The following SDCCAG8 variants were observed in gnomAD, a reference collection of about 807,000 sequenced individuals.
The protein encoded by SDCCAG8 is serologically defined colon cancer antigen 8.
A neutral mutation model predicts 101.8 loss-of-function variants in SDCCAG8; 74 were observed. That is an observed-to-expected ratio of 0.73 (90% CI 0.60 to 0.88). The LOEUF is 0.88. Among genes scored for constraint, SDCCAG8 ranks in the 40% least tolerant of loss-of-function variants. The pLI, the probability that SDCCAG8 is intolerant of heterozygous loss-of-function variation, is 0.00. For synonymous variants in SDCCAG8, 281 were observed against 292.9 expected (o/e 0.96, Z 0.41); for missense variants, 787 against 822.6 (o/e 0.96, Z 0.53).
intron 8 of SDCCAG8, among the ~76,000 whole-genome samples, chr1:243,312,251 A>G (rs1337475311): frequency 6.6e-6 from 1 of 152,260 alleles, no homozygotes; most frequent in Non-Finnish European, 1.5e-5. Context: ...ATAAGCTGTT[A>G]TCATATTACC....
rs193291617 is a variant in SDCCAG8, at chr1:243,271,054, G to A, written c.297G>A (p.Met99Ile). Reference sequence around the variant, plus strand: ...TATCTCCGTCAAGAAGAAGAAAAATGTCCCCCTTGGTAAGTATCAACTTTT... The same window carrying A: ...TATCTCCGTCAAGAAGAAGAAAAATATCCCCCTTGGTAAGTATCAACTTTT... ...SEVSPSRRRK[M>I]SPLRSLEHEE... The change falls in exon 3 of 18, where the codon ATG (methionine) becomes ATA (isoleucine). Residue 99 changes from methionine (M) to isoleucine (I), a missense_variant. Transcript: ENST00000366541. The A allele has an allele frequency of 6.2e-7, 1 of 1,607,578 alleles. No individual in the cohort carries two copies. Among genetic ancestry groups the A allele is most frequent in the African/African-American group, 1.3e-5 (1 of 74,898 alleles).
chr1:243,486,935 CT>C (rs1158087631), intron 16 of SDCCAG8, among the ~76,000 whole-genome samples: 1 of 147,786 alleles, frequency 6.8e-6, no homozygotes, highest in Non-Finnish European at 1.5e-5. Context: ...ACGGGGCTAC[CT>C]CAGTTGCTCT....
At chr1:243,374,512 AC>A (rs988431368) in intron 12 of SDCCAG8, among the ~76,000 whole-genome samples, 1 of 152,132 alleles carries the variant, frequency 6.6e-6, no homozygotes, top group African/African-American at 2.4e-5. Flanking sequence ...TTTCAGTTGT[AC>A]TATTAGGATC....
chr1:243,468,362 C>T (rs6666353), intron 16 of SDCCAG8, among the ~76,000 whole-genome samples: 5,126 of 152,104 alleles, frequency 0.034, 273 homozygotes, highest in African/African-American at 0.12. Flanking sequence ...GGACTACAGA[C>T]GTCCACCATC....
intron 16 of SDCCAG8, chr1:243,475,908 C>G (rs1259633329): frequency 4.1e-6 from 4 of 983,314 alleles, no homozygotes; most frequent in Admixed American, 6.2e-5. Context: ...AAATTGACTC[C>G]GCGTATTCCT....
At chr1:243,316,644 G>A in intron 8 of SDCCAG8, 111 bp from the exon 9 acceptor site, 1 of 1,321,530 alleles carries the variant, frequency 7.6e-7, no homozygotes, top group South Asian at 1.2e-5. Flanking sequence ...TATGTGCTCA[G>A]CCGGCCTACC....
At chr1:243,267,003 G>C (rs913851534) in intron 1 of SDCCAG8, among the ~76,000 whole-genome samples, 2 of 150,670 alleles carry the variant, frequency 1.3e-5, no homozygotes, top group African/African-American at 4.9e-5. Flanking sequence ...CCAGCACTTT[G>C]GGAGGCCGAG....
chr1:243,419,984 T>C (rs1027512979), intron 15 of SDCCAG8, among the ~76,000 whole-genome samples: 1 of 152,222 alleles, frequency 6.6e-6, no homozygotes, highest in African/African-American at 2.4e-5. Flanking sequence ...ACTTTGTAAA[T>C]TGGATGTATT....
At chr1:243,273,503 C>T (rs987823349) in intron 3 of SDCCAG8, among the ~76,000 whole-genome samples, 1 of 152,162 alleles carries the variant, frequency 6.6e-6, no homozygotes, top group Admixed American at 6.5e-5. Context: ...CTTCGTTGGA[C>T]CCCTCAATGC....
At chr1:243,276,384 A>G (rs2068576142) in intron 4 of SDCCAG8, among the ~76,000 whole-genome samples, 1 of 152,252 alleles carries the variant, frequency 6.6e-6, no homozygotes, top group Admixed American at 6.5e-5. Context: ...ACTGTCAGAC[A>G]GAGTGTAAAT....
At chr1:243,310,216 T>G (rs966346965) in intron 8 of SDCCAG8, among the ~76,000 whole-genome samples, 2 of 152,134 alleles carry the variant, frequency 1.3e-5, no homozygotes, top group Non-Finnish European at 2.9e-5. Context: ...TTAAGTATTT[T>G]AAGTATTCAA....
At chr1:243,387,327 T>C (rs1301453636) in intron 13 of SDCCAG8, among the ~76,000 whole-genome samples, 5 of 152,216 alleles carry the variant, frequency 3.3e-5, no homozygotes, top group Non-Finnish European at 7.3e-5. Context: ...CAGGAAGCTT[T>C]CTTTTGTTTA....
chr1:243,295,200 C>T (rs3943093), intron 6 of SDCCAG8, among the ~76,000 whole-genome samples: 44,663 of 151,982 alleles, frequency 0.29, 6,784 homozygotes, highest in South Asian at 0.51. Context: ...AACTAATGTT[C>T]GAACTAGTTT....
rs143565542 is a variant in SDCCAG8 at position 243,463,645 on chromosome 1, A to G, written c.1986-25369A>G. ...CTTTTATCTTGGGAGGGAAAAAATA[A>G]TATATGTAACAAAAATGTAATCCAT... On this transcript the variant is annotated intron_variant, in intron 16 of 17. Coordinates refer to ENST00000366541, the MANE Select transcript of SDCCAG8 (RefSeq NM_006642.5). 1.6e-3 allele frequency among the ~76,000 whole-genome samples: 242 copies of G among 152,340 alleles called. 1 individual carries two copies. Among genetic ancestry groups the G allele is most frequent in the Non-Finnish European group, 1.5e-3 (102 of 68,032 alleles).
chr1:243,459,863 G>A (rs1052625895), intron 16 of SDCCAG8, among the ~76,000 whole-genome samples: 1 of 152,066 alleles, frequency 6.6e-6, no homozygotes, highest in Non-Finnish European at 1.5e-5. Context: ...CCCAGGCCTC[G>A]AGAAGCTAGT....
chr1:243,490,719 C>T (rs985915988), intron 17 of SDCCAG8, among the ~76,000 whole-genome samples: 2 of 152,214 alleles, frequency 1.3e-5, no homozygotes, highest in African/African-American at 4.8e-5. Context: ...TCCTTTCTCC[C>T]TCATCTTCAG....
At chr1:243,383,711 G>C (rs1319996761) in intron 13 of SDCCAG8, among the ~76,000 whole-genome samples, 1 of 152,040 alleles carries the variant, frequency 6.6e-6, no homozygotes, top group Non-Finnish European at 1.5e-5. Context: ...TGACTCTGTT[G>C]CTATACTCTG....
In SDCCAG8 at chr1:243,462,965, G is replaced by T. The variant is rs1659433053; in HGVS notation, c.1986-26049G>T. Among the ~76,000 whole-genome samples, 3 of 152,186 alleles carry T rather than the reference G, an allele frequency of 2.0e-5. No homozygotes were observed. The South Asian group carries it at 6.2e-4, about 31-fold the overall frequency. ...TTCCACCAAAGGTGGAAATGGTTTT[G>T]TCAGTGGTTCTCTGAAAGCTGTTTA... On this transcript the variant is annotated intron_variant, in intron 16 of 17. Transcript: ENST00000366541.
chr1:243,296,965 TTAACA>T (rs971807232), intron 6 of SDCCAG8, among the ~76,000 whole-genome samples: 2 of 152,070 alleles, frequency 1.3e-5, no homozygotes, highest in Non-Finnish European at 2.9e-5. Flanking sequence ...AAGACACAAT[TTAACA>T]TAACATTCAG....
Sources: allele counts gnomAD v4.1 joint callset (sites outside exome capture counted in the v4.1 genomes callset), GRCh38; gene constraint gnomAD v4.1.1; transcripts MANE v1.5; gene names NCBI Gene and HGNC (gene_info 2026-07-23, HGNC 2026-07-21).